The following WASHC5 variants were observed in gnomAD, a reference collection of about 807,000 sequenced individuals.
The protein encoded by WASHC5 is WASH complex subunit 5, also known as WASH complex subunit strumpellin.
WASHC5 carries 101 observed loss-of-function variants against 150.4 expected under a neutral mutation model. The ratio of observed to expected loss-of-function variants is 0.67; its 90% CI spans 0.57 to 0.79. The LOEUF (loss-of-function observed/expected upper bound fraction) is 0.79. Among genes scored for constraint, WASHC5 ranks in the 30% least tolerant of loss-of-function variants. WASHC5 has a pLI of 0.00. For synonymous variants in WASHC5, 467 were observed against 491.2 expected (o/e 0.95, Z 0.65); for missense variants, 1,195 against 1,396.3 (o/e 0.86, Z 2.30).
intron 14 of WASHC5, among the ~76,000 whole-genome samples, chr8:125,058,073 G>A (rs534635940): frequency 7.3e-5 from 11 of 151,288 alleles, no homozygotes; most frequent in African/African-American, 2.4e-4. Context: ...TCTGATTGAC[G>A]TTCTGATAGA....
At chr8:125,069,722 T>G (rs1373466677) in intron 9 of WASHC5, among the ~76,000 whole-genome samples, 1 of 152,220 alleles carries the variant, frequency 6.6e-6, no homozygotes, top group Non-Finnish European at 1.5e-5. Flanking sequence ...TGATTTTTCA[T>G]GAATTTGCCA....
rs983999170 is a variant in WASHC5, at chr8:125,082,528, G to A, written c.333-61C>T. 4 of 998,502 alleles carry A rather than the reference G, an allele frequency of 4.0e-6. 1 individual carries two copies. The Admixed American group carries it at 7.3e-5, about 18-fold the overall frequency. 61.9% of individuals were successfully genotyped at this position (998,502 alleles called of 1,614,324 possible). ...TAATAGAAACTTTAACATCTTTAAA[G>A]AAGGAAAGATTTTTAAAAGATAAGG... On this transcript the variant is annotated intron_variant, in intron 3 of 28. Transcript: ENST00000318410.
Position 125,082,588 on chromosome 8 carries a change from A to G in WASHC5, c.333-121T>C, listed in dbSNP as rs533992929. The G allele has an allele frequency of 1.6e-4, 106 of 679,070 alleles. 1 individual carries two copies. The highest frequency in any genetic ancestry group is 1.5e-3 in the Middle Eastern group (4 of 2,642). The allele number at this position is 679,070 out of a possible 1,614,324, so 42.1% of individuals were successfully genotyped here. ...AGGCATTCTGGCCTTCCACTAGTTC[A>G]TGGTCCTTCATGCTCTTAAGAATAC... On this transcript the variant is annotated intron_variant, in intron 3 of 28. Transcript: ENST00000318410.
At chr8:125,088,952 TA>T (rs1284455226) in intron 1 of WASHC5, among the ~76,000 whole-genome samples, 2 of 152,072 alleles carry the variant, frequency 1.3e-5, no homozygotes, top group Non-Finnish European at 2.9e-5. Flanking sequence ...CAGAGTCAGC[TA>T]GGGGCGGAAA....
intron 27 of WASHC5, among the ~76,000 whole-genome samples, chr8:125,029,542 C>T (rs1422176070): frequency 6.6e-6 from 1 of 152,182 alleles, no homozygotes; most frequent in Non-Finnish European, 1.5e-5. Context: ...GTTTCTCCAG[C>T]ATCTGGAAAT....
intron 5 of WASHC5, 150 bp from the exon 6 acceptor site, chr8:125,079,080 A>T (rs1317528602): frequency 3.9e-6 from 2 of 509,914 alleles, no homozygotes; most frequent in African/African-American, 4.2e-5. Context: ...TATCCTCAAG[A>T]TTCAAAATTA....
Position 125,032,336 on chromosome 8 carries a change from C to T in WASHC5, c.3240G>A (p.Leu1080=), listed in dbSNP as rs1221147868. Residue 1080 remains leucine, a synonymous_variant, in exon 27 of 29, where the codon CTG becomes CTA. Coordinates refer to ENST00000318410, the MANE Select transcript of WASHC5 (RefSeq NM_014846.4). ...PVDWPPLVLG[L]LTLLKQFHSR... ...AATGGAACTGCTTCAGCAGAGTGAG[C>T]AGTCCCAGGACAAGTGGTGGCCAAT... is the stretch of plus-strand genomic sequence containing the variant. 6.2e-7 allele frequency: 1 copy of T among 1,614,174 alleles called. No homozygotes were observed.
Position 125,076,744 on chromosome 8 carries a change from TA to T in WASHC5, c.712-245del, listed in dbSNP as rs59580091. ...ACCGCTGCAATTCTAAGTCTTTTCTTAAAAAAAAAAAAAAAAAGTCCCATTC... is the reference window on the plus strand; with the variant it reads ...ACCGCTGCAATTCTAAGTCTTTTCTTAAAAAAAAAAAAAAAAGTCCCATTC... On this transcript the variant is annotated intron_variant, in intron 6 of 28. Transcript: ENST00000318410. Among the ~76,000 whole-genome samples the T allele has an allele frequency of 0.57, 75,763 of 132,376 alleles. 21,269 individuals carry two copies. Among genetic ancestry groups the T allele is most frequent in the African/African-American group, 0.68 (21,534 of 31,602 alleles). 86.8% of individuals were successfully genotyped at this position (132,376 alleles called of 152,430 possible). A position where few individuals can be genotyped will look rare whatever the true frequency, so the allele number is the denominator to read the frequency against.
intron 17 of WASHC5, among the ~76,000 whole-genome samples, chr8:125,054,213 G>A (rs1421002539): frequency 6.6e-6 from 1 of 152,134 alleles, no homozygotes; most frequent in Admixed American, 6.5e-5. Context: ...GAAAAATGTG[G>A]AATTCTATGC....
chr8:125,077,115 C>T (rs1478636199), intron 6 of WASHC5, among the ~76,000 whole-genome samples: 1 of 152,172 alleles, frequency 6.6e-6, no homozygotes, highest in Non-Finnish European at 1.5e-5. Context: ...TTCATCCCCT[C>T]ACGTACTAGA....
chr8:125,075,138 T>C, intron 7 of WASHC5, 27 bp from the exon 8 acceptor site: 1 of 1,378,740 alleles, frequency 7.3e-7, no homozygotes, highest in Non-Finnish European at 1.0e-6. Flanking sequence ...TCAGAATTTG[T>C]TAAATTCCTA....
chr8:125,063,775 T>C (rs909061012), intron 10 of WASHC5, 124 bp from the exon 11 acceptor site: 1 of 835,146 alleles, frequency 1.2e-6, no homozygotes, highest in Non-Finnish European at 1.9e-6. Flanking sequence ...AAATTAACAT[T>C]GACCCTGATG....
intron 26 of WASHC5, 52 bp downstream of exon 26, chr8:125,037,185 T>C: frequency 2.0e-6 from 2 of 1,007,830 alleles, no homozygotes; most frequent in Middle Eastern, 2.5e-4. Context: ...TTTAGTTAAA[T>C]GTTAATCTGT....
intron 7 of WASHC5, among the ~76,000 whole-genome samples, chr8:125,075,502 T>C (rs1277826121): frequency 2.0e-5 from 3 of 152,204 alleles, no homozygotes; most frequent in Admixed American, 1.3e-4. Flanking sequence ...TGGATTTTGG[T>C]CTTTCTTAAT....
At chr8:125,088,438 GGGGA>G (rs369320822) in intron 1 of WASHC5, among the ~76,000 whole-genome samples, 4,194 of 151,058 alleles carry the variant, frequency 0.028, 220 homozygotes, top group African/African-American at 0.098. Context: ...AAAAAAAAAG[GGGGA>G]GGGGGGGAAG....
chr8:125,063,432 A>G, intron 11 of WASHC5, 90 bp downstream of exon 11: 1 of 1,327,264 alleles, frequency 7.5e-7, no homozygotes, highest in Non-Finnish European at 1.1e-6. Context: ...TAATGAGAAC[A>G]TAAAGTCTTT....
At chr8:125,060,862 T>A (rs1276839566) in intron 12 of WASHC5, among the ~76,000 whole-genome samples, 2 of 152,238 alleles carry the variant, frequency 1.3e-5, no homozygotes, top group East Asian at 3.8e-4. Context: ...ACATGTTTCC[T>A]CAAGTTACAA....
chr8:125,061,287 C>A (rs1046929517), intron 11 of WASHC5, 93 bp from the exon 12 acceptor site: 10 of 757,186 alleles, frequency 1.3e-5, no homozygotes, highest in Non-Finnish European at 1.8e-5. Flanking sequence ...AAATTCAGTT[C>A]TTCAGAGCTT....
At chr8:125,087,886 T>C (rs1817467572) in intron 1 of WASHC5, among the ~76,000 whole-genome samples, 1 of 152,178 alleles carries the variant, frequency 6.6e-6, no homozygotes, top group Non-Finnish European at 1.5e-5. Flanking sequence ...CAAATGTATC[T>C]TGAAATTTGT....
Sources: allele counts gnomAD v4.1 joint callset (sites outside exome capture counted in the v4.1 genomes callset), GRCh38; gene constraint gnomAD v4.1.1; transcripts MANE v1.5; gene names NCBI Gene and HGNC (gene_info 2026-07-23, HGNC 2026-07-21).